The following LRP6 variants were observed in gnomAD, a reference collection of about 807,000 sequenced individuals.
LRP6 encodes low-density lipoprotein receptor-related protein 6.
LRP6 carries 43 observed loss-of-function variants against 184.1 expected under a neutral mutation model. The ratio of observed to expected loss-of-function variants is 0.23; its 90% confidence interval spans 0.18 to 0.30. The LOEUF is 0.30. Among genes scored for constraint, LRP6 ranks in the 10% least tolerant of loss-of-function variants. LRP6 has a pLI of 1.00. For synonymous variants in LRP6, 719 were observed against 684.9 expected, an observed-to-expected ratio of 1.05 and a Z score of -0.78; for missense variants, 1,571 against 2,005.3, an observed-to-expected ratio of 0.78 and a Z score of 4.14.
intron 2 of LRP6, among the ~76,000 whole-genome samples, chr12:12,228,982 T>C (rs1238757502): frequency 6.6e-6 from 1 of 152,160 alleles, no homozygotes; most frequent in Non-Finnish European, 1.5e-5. Flanking sequence ...TCAGAGGACA[T>C]GGTACAGGGA....
rs60902892 is a variant in LRP6, at chr12:12,222,383, T to C, written c.450-18983A>G. The stretch of plus-strand genomic sequence containing the variant: ...GAGTTCAAGACCAGACTGACCAACA[T>C]GGTGAAACCTCATCTCTACTAAAAA... On this transcript the variant is annotated intron_variant, in intron 2 of 22. Transcript: ENST00000261349. Among the ~76,000 whole-genome samples the C allele has an allele frequency of 8.2e-3, 1,249 of 151,914 alleles. 9 individuals are homozygous for C. Among genetic ancestry groups the C allele is most frequent in the African/African-American group, 0.029 (1,183 of 41,432 alleles).
intron 1 of LRP6, among the ~76,000 whole-genome samples, chr12:12,254,580 T>A (rs1481077115): frequency 6.6e-6 from 1 of 152,252 alleles, no homozygotes; most frequent in Non-Finnish European, 1.5e-5. Flanking sequence ...TTTATTTTCA[T>A]GGCAATATAG....
chr12:12,191,863 GA>G (rs1187306110), intron 3 of LRP6, among the ~76,000 whole-genome samples: 3 of 151,646 alleles, frequency 2.0e-5, no homozygotes, highest in African/African-American at 4.8e-5. Context: ...TTACATAATA[GA>G]AAAAAATATT....
intron 1 of LRP6, among the ~76,000 whole-genome samples, chr12:12,254,128 A>G (rs1865399536): frequency 8.5e-6 from 1 of 117,210 alleles, no homozygotes; most frequent in Admixed American, 1.2e-4. Context: ...TGGGTGACAG[A>G]GTGAGACTCT....
chr12:12,170,791 TCACA>T (rs10571241), intron 7 of LRP6, among the ~76,000 whole-genome samples: 27,470 of 142,620 alleles, frequency 0.19, 2,637 homozygotes, highest in Admixed American at 0.25. Context: ...TAAAATTACT[TCACA>T]CACACACACA....
In LRP6 at chr12:12,118,566, T is replaced by C. The variant is rs549185346; in HGVS notation, c.*2560A>G. 1 of 152,358 alleles carries C rather than the reference T, an allele frequency of 6.6e-6. No individual in the cohort carries two copies. The highest frequency in any genetic ancestry group is 2.4e-5 in the African/African-American group (1 of 41,600). The allele number at this position is 152,358 out of a possible 1,614,324, so 9.4% of individuals were successfully genotyped here. The stretch of plus-strand genomic sequence containing the variant: ...TTTTTCCCCCTAATTTGTGATCTCA[T>C]GCTTTTCCTCTCAACTTTTCCAATT... On this transcript the variant is annotated 3_prime_UTR_variant, in exon 23 of 23. Coordinates refer to ENST00000261349, the MANE Select transcript of LRP6 (RefSeq NM_002336.3).
intron 2 of LRP6, among the ~76,000 whole-genome samples, chr12:12,204,279 CA>C (rs61067494): frequency 0.45 from 43,200 of 95,832 alleles, 7,905 homozygotes; most frequent in East Asian, 0.68. Context: ...TCATAAAAGT[CA>C]AAAAAAAAAA....
chr12:12,162,045 AAT>A (rs1862754090), intron 10 of LRP6, 146 bp downstream of exon 10: 4 of 633,840 alleles, frequency 6.3e-6, no homozygotes, highest in South Asian at 5.7e-5. Flanking sequence ...GCAAAATATC[AAT>A]AGTGTTTTTA....
At chr12:12,244,689 A>G in intron 1 of LRP6, 34 bp from the exon 2 acceptor site, 1 of 1,608,784 alleles carries the variant, frequency 6.2e-7, no homozygotes, top group Non-Finnish European at 8.5e-7. Flanking sequence ...GTAAGTGAAA[A>G]GGAAGAAAAC....
chr12:12,224,326 T>G (rs998330657), intron 2 of LRP6, among the ~76,000 whole-genome samples: 2 of 152,188 alleles, frequency 1.3e-5, no homozygotes, highest in Non-Finnish European at 2.9e-5. Flanking sequence ...ACCACCATTC[T>G]TCAAACAAAC....
chr12:12,193,013 A>G (rs1219680194), intron 3 of LRP6, among the ~76,000 whole-genome samples: 1 of 151,992 alleles, frequency 6.6e-6, no homozygotes, highest in Non-Finnish European at 1.5e-5. Context: ...ACTCATATAA[A>G]ATAAAAAGAC....
chr12:12,242,504 T>C (rs1414781848), intron 2 of LRP6, among the ~76,000 whole-genome samples: 1 of 152,240 alleles, frequency 6.6e-6, no homozygotes, highest in Admixed American at 6.5e-5. Context: ...CAAAATCCTA[T>C]GTGTTCTACA....
At chr12:12,246,253 G>A (rs1245988923) in intron 1 of LRP6, among the ~76,000 whole-genome samples, 2 of 151,724 alleles carry the variant, frequency 1.3e-5, no homozygotes, top group Non-Finnish European at 2.9e-5. Flanking sequence ...TGATCCACCC[G>A]CCAGGGCCTC....
intron 15 of LRP6, chr12:12,139,045 ATTG>A: frequency 7.9e-7 from 1 of 1,264,712 alleles, no homozygotes; most frequent in Non-Finnish European, 1.0e-6. Context: ...AACTTCTGCT[ATTG>A]TTGCACAGTG....
chr12:12,171,937 A>T (rs1231802357), intron 7 of LRP6, among the ~76,000 whole-genome samples: 1 of 152,204 alleles, frequency 6.6e-6, no homozygotes, highest in Non-Finnish European at 1.5e-5. Flanking sequence ...TAGGTCTATA[A>T]ATACAGTTTA....
intron 1 of LRP6, among the ~76,000 whole-genome samples, chr12:12,255,548 TGC>T: frequency 6.6e-6 from 1 of 151,612 alleles, no homozygotes; most frequent in Non-Finnish European, 1.5e-5. Context: ...GCTTTGTTTT[TGC>T]TTTTGGGTTT....
At chr12:12,256,320 A>T (rs1865463890) in intron 1 of LRP6, among the ~76,000 whole-genome samples, 1 of 152,200 alleles carries the variant, frequency 6.6e-6, no homozygotes, top group South Asian at 2.1e-4. Flanking sequence ...GCACTCTGGG[A>T]GGCAGAGGCG....
In LRP6 at chr12:12,181,315, G is replaced by A. The variant is rs367746532; in HGVS notation, c.1101C>T (p.Tyr367=). 16 of 1,613,982 alleles carry A rather than the reference G, an allele frequency of 9.9e-6. No homozygotes were observed. Among genetic ancestry groups the A allele is most frequent in the African/African-American group, 6.7e-5 (5 of 74,914 alleles). The part of the protein sequence containing the change: ...EDIRHAIAID[Y]DPVEGYIYWT... The stretch of plus-strand genomic sequence containing the variant: ...AGTAGATGTAGCCTTCCACAGGATC[G>A]TAATCTATGGCAATGGCATGACGGA... The change falls in exon 6 of 23, where the codon TAC becomes TAT. Residue 367 remains tyrosine (Y), a synonymous_variant. Coordinates refer to ENST00000261349, the MANE Select transcript of LRP6 (RefSeq NM_002336.3).
At chr12:12,217,449 A>G (rs1277774033) in intron 2 of LRP6, among the ~76,000 whole-genome samples, 6 of 152,200 alleles carry the variant, frequency 3.9e-5, no homozygotes, top group African/African-American at 1.4e-4. Flanking sequence ...TAATAATAAT[A>G]GAAATAAGGT....
Sources: gnomAD v4.1 joint callset for allele counts (sites outside exome capture counted in the v4.1 genomes callset) on GRCh38, gnomAD v4.1.1 for gene constraint, MANE v1.5 for transcripts, NCBI Gene and HGNC (gene_info 2026-07-23, HGNC 2026-07-21) for gene names.